Variants in TNFAIP8 observed in about 807,000 individuals in gnomAD.
TNFAIP8 encodes tumor necrosis factor alpha-induced protein 8.
Under a neutral mutation model 13.3 loss-of-function variants are expected in TNFAIP8, and 7 were observed. That is an observed-to-expected ratio of 0.52 (90% CI 0.30 to 0.99). The LOEUF (loss-of-function observed/expected upper bound fraction) is 0.99. TNFAIP8 is among the 50% of genes least tolerant of loss of function. The pLI, the probability that TNFAIP8 is intolerant of heterozygous loss-of-function variation, is 0.07. For synonymous variants in TNFAIP8, 94 were observed against 87.6 expected (o/e 1.07, Z -0.41); for missense variants, 258 against 236.9 (o/e 1.09, Z -0.58).
At chr5:119,350,958 G>GTGTA (rs1273145704) in intron 1 of TNFAIP8, among the ~76,000 whole-genome samples, 2 of 149,398 alleles carry the variant, frequency 1.3e-5, no homozygotes, top group African/African-American at 4.9e-5. Flanking sequence ...GTATTTGTGT[G>GTGTA]TGTGTGTGTG....
intron 1 of TNFAIP8, among the ~76,000 whole-genome samples, chr5:119,369,468 G>C (rs1299299569): frequency 6.6e-6 from 1 of 152,208 alleles, no homozygotes; most frequent in Admixed American, 6.5e-5. Flanking sequence ...TAGTTTTTAT[G>C]ATGATGGGCA....
chr5:119,317,850 G>T (rs1450961523), intron 1 of TNFAIP8, among the ~76,000 whole-genome samples: 1 of 151,996 alleles, frequency 6.6e-6, no homozygotes. Context: ...TGCCCGCCTT[G>T]GCTCCCAAAG....
In TNFAIP8 at chr5:119,397,073, ATAG is replaced by A. The variant is rs1173631810; in HGVS notation, c.*3695_*3697del. ...ATATTGCGTTTTAAACTCTTATATA[ATAG>A]TATGCCATTCACAATTATCTGGAAA... On this transcript the variant is annotated 3_prime_UTR_variant, in exon 2 of 2. Coordinates refer to ENST00000504771, the MANE Select transcript of TNFAIP8 (RefSeq NM_014350.4). 1 of 151,530 alleles carries A rather than the reference ATAG, an allele frequency of 6.6e-6. No homozygotes were observed. 9.4% of individuals were successfully genotyped at this position (151,530 alleles called of 1,614,324 possible).
At chr5:119,351,218 G>A (rs1255536677), upstream of TNFAIP8, among the ~76,000 whole-genome samples, 1 of 151,926 alleles carries the variant, frequency 6.6e-6, no homozygotes. Flanking sequence ...GTAGAGTTAG[G>A]GTCTCTCTAT....
chr5:119,339,683 G>T (rs1194192614), intron 1 of TNFAIP8, among the ~76,000 whole-genome samples: 1 of 152,042 alleles, frequency 6.6e-6, no homozygotes, highest in Non-Finnish European at 1.5e-5. Flanking sequence ...AGAAGGTTTG[G>T]TAAGTTGAAC....
At chr5:119,305,112 C>T (rs1213848435) in intron 1 of TNFAIP8, among the ~76,000 whole-genome samples, 1 of 151,000 alleles carries the variant, frequency 6.6e-6, no homozygotes, top group East Asian at 2.0e-4. Context: ...TGTGAACTCC[C>T]AGTTATAAGA....
chr5:119,335,025 C>G (rs1170557443), intron 1 of TNFAIP8, among the ~76,000 whole-genome samples: 1 of 152,090 alleles, frequency 6.6e-6, no homozygotes, highest in Non-Finnish European at 1.5e-5. Context: ...TTGAAAATAG[C>G]CAGGCTAGAA....
At chr5:119,297,261 C>G (rs1749207204) in intron 1 of TNFAIP8, among the ~76,000 whole-genome samples, 1 of 152,014 alleles carries the variant, frequency 6.6e-6, no homozygotes, top group African/African-American at 2.4e-5. Context: ...AAATTTCCCT[C>G]TACACACTGC....
At chr5:119,307,861 A>G (rs985409842) in intron 1 of TNFAIP8, among the ~76,000 whole-genome samples, 3 of 152,228 alleles carry the variant, frequency 2.0e-5, no homozygotes, top group Non-Finnish European at 2.9e-5. Context: ...CATTGGAGCA[A>G]TCTTGGAAAC....
intron 1 of TNFAIP8, among the ~76,000 whole-genome samples, chr5:119,313,781 G>C (rs992360796): frequency 1.3e-5 from 2 of 152,322 alleles, no homozygotes; most frequent in East Asian, 3.8e-4. Flanking sequence ...TGCTTAAGAA[G>C]TTTATACACT....
chr5:119,325,076 T>C (rs1320357248), intron 1 of TNFAIP8, among the ~76,000 whole-genome samples: 1 of 149,268 alleles, frequency 6.7e-6, no homozygotes, highest in Non-Finnish European at 1.5e-5. Flanking sequence ...TCTTAAAAAA[T>C]AAAAAATAAA....
intron 1 of TNFAIP8, among the ~76,000 whole-genome samples, chr5:119,313,833 C>G (rs547499344): frequency 6.6e-6 from 1 of 152,242 alleles, no homozygotes; most frequent in Non-Finnish European, 1.5e-5. Context: ...CATTTTGCAT[C>G]TCACTTAGCT....
chr5:119,372,169 A>G (rs1487933002), intron 1 of TNFAIP8, among the ~76,000 whole-genome samples: 30 of 151,632 alleles, frequency 2.0e-4, no homozygotes, highest in Non-Finnish European at 3.1e-4. Context: ...CACAAAAAAA[A>G]TTATTTTTAA....
At chr5:119,369,784 T>A (rs2112809962) in intron 1 of TNFAIP8, among the ~76,000 whole-genome samples, 1 of 152,314 alleles carries the variant, frequency 6.6e-6, no homozygotes, top group South Asian at 2.1e-4. Flanking sequence ...GACCTTTTTC[T>A]TGCTGGCTCC....
At chr5:119,280,951 A>G (rs964037569) in intron 1 of TNFAIP8, among the ~76,000 whole-genome samples, 1 of 151,644 alleles carries the variant, frequency 6.6e-6, no homozygotes, top group Non-Finnish European at 1.5e-5. Context: ...AATCTTTTTT[A>G]TAGGTTTTAG....
intron 1 of TNFAIP8, among the ~76,000 whole-genome samples, chr5:119,332,832 G>A (rs1162190547): frequency 6.6e-6 from 1 of 152,206 alleles, no homozygotes; most frequent in Non-Finnish European, 1.5e-5. Flanking sequence ...ATGCATGTAT[G>A]TGTATGTGTA....
intron 1 of TNFAIP8, among the ~76,000 whole-genome samples, chr5:119,329,420 T>C (rs1005553247): frequency 6.6e-6 from 1 of 152,224 alleles, no homozygotes; most frequent in African/African-American, 2.4e-5. Flanking sequence ...TCTCTGCCCC[T>C]GTGCTGGCCC....
chr5:119,273,615 C>G (rs549453391), intron 1 of TNFAIP8, among the ~76,000 whole-genome samples: 3 of 152,286 alleles, frequency 2.0e-5, no homozygotes, highest in African/African-American at 7.2e-5. Flanking sequence ...TTCAAAAGAC[C>G]TATTACAGTT....
At chr5:119,290,218 A>G (rs1748938933) in intron 1 of TNFAIP8, among the ~76,000 whole-genome samples, 1 of 151,848 alleles carries the variant, frequency 6.6e-6, no homozygotes, top group South Asian at 2.1e-4. Flanking sequence ...AAAAACAACA[A>G]AAAACATTTA....
Sources: allele counts gnomAD v4.1 joint callset (sites outside exome capture counted in the v4.1 genomes callset), GRCh38; gene constraint gnomAD v4.1.1; transcripts MANE v1.5; gene names NCBI Gene and HGNC (gene_info 2026-07-23, HGNC 2026-07-21).